The following SLC4A1AP variants were observed in gnomAD, a reference collection of about 807,000 sequenced individuals.
SLC4A1AP encodes the protein solute carrier family 4 member 1 adaptor protein, also known as kanadaptin.
In SLC4A1AP, 64 loss-of-function variants were observed where a neutral mutation model predicts 89.7. That is an observed-to-expected ratio of 0.71 (90% CI 0.58 to 0.88). SLC4A1AP has a LOEUF of 0.88. Ranked by LOEUF, SLC4A1AP falls within the 40% of genes least tolerant of loss-of-function variation. SLC4A1AP has a pLI of 0.00. For synonymous variants in SLC4A1AP, 366 were observed against 353.3 expected (o/e 1.04, Z -0.40); for missense variants, 931 against 965.0 (o/e 0.96, Z 0.47).
intron 3 of SLC4A1AP, among the ~76,000 whole-genome samples, chr2:27,667,726 G>T (rs964471376): frequency 6.6e-6 from 1 of 151,948 alleles, no homozygotes; most frequent in Non-Finnish European, 1.5e-5. Context: ...TTTTAATTCC[G>T]AATTCACCTG....
intron 5 of SLC4A1AP, among the ~76,000 whole-genome samples, chr2:27,673,138 A>G (rs1371868752): frequency 6.6e-6 from 1 of 152,146 alleles, no homozygotes; most frequent in Non-Finnish European, 1.5e-5. Context: ...TAACCTTAGT[A>G]TCCATCCCCA....
intron 5 of SLC4A1AP, among the ~76,000 whole-genome samples, chr2:27,674,019 TG>T (rs1675474582): frequency 2.0e-5 from 3 of 151,254 alleles, no homozygotes; most frequent in Non-Finnish European, 4.4e-5. Flanking sequence ...TGTGTGTGTG[TG>T]TGTGTGTGTG....
At chr2:27,691,591 T>G (rs1675788554) in intron 12 of SLC4A1AP, 1 of 149,954 alleles carries the variant, frequency 6.7e-6, no homozygotes, top group African/African-American at 2.5e-5. Flanking sequence ...TTTAATCTGT[T>G]CTTTTTTTTT....
chr2:27,682,183 G>T, intron 8 of SLC4A1AP, 65 bp from the exon 9 acceptor site: 2 of 997,038 alleles, frequency 2.0e-6, no homozygotes, highest in Non-Finnish European at 1.5e-6. Flanking sequence ...TCAGTATCAT[G>T]GTATTTTTAG....
chr2:27,677,144 A>G (rs1675536965), intron 6 of SLC4A1AP, 151 bp from the exon 7 acceptor site: 4 of 654,376 alleles, frequency 6.1e-6, no homozygotes, highest in Non-Finnish European at 1.1e-5. Context: ...TCTCAAAACA[A>G]AAAAAAAAGT....
At chr2:27,683,790 T>G (rs533653270) in intron 9 of SLC4A1AP, among the ~76,000 whole-genome samples, 2 of 152,230 alleles carry the variant, frequency 1.3e-5, no homozygotes, top group East Asian at 3.9e-4. Context: ...CAGGCTGCAG[T>G]GCAGTGGCCA....
At chr2:27,666,929 G>A (rs985517947) in intron 2 of SLC4A1AP, among the ~76,000 whole-genome samples, 2 of 151,352 alleles carry the variant, frequency 1.3e-5, no homozygotes, top group East Asian at 1.9e-4. Context: ...TGCAGGTAGC[G>A]CGATCTTGGC....
chr2:27,689,996 A>G (rs1175744415), intron 12 of SLC4A1AP, among the ~76,000 whole-genome samples: 1 of 152,186 alleles, frequency 6.6e-6, no homozygotes, highest in Non-Finnish European at 1.5e-5. Context: ...GCTGAAAATC[A>G]GCTTGTGATG....
At chr2:27,673,741 T>C (rs965037854) in intron 5 of SLC4A1AP, among the ~76,000 whole-genome samples, 11 of 152,162 alleles carry the variant, frequency 7.2e-5, no homozygotes, top group Non-Finnish European at 1.6e-4. Flanking sequence ...AAATTAGATA[T>C]GTGTGTTTAA....
rs548065834 is a variant in SLC4A1AP at position 27,693,816 on chromosome 2, T to C, written c.2341+62T>C. Reference sequence around the variant, plus strand: ...TTTATTTATATTTTTGAATAGGTAATATAGATTTAAGGTTCAACATAAGAA... The same window carrying C: ...TTTATTTATATTTTTGAATAGGTAACATAGATTTAAGGTTCAACATAAGAA... On this transcript the variant is annotated intron_variant, in intron 13 of 13. Coordinates refer to ENST00000613058, the Ensembl canonical transcript of SLC4A1AP. 1.2e-5 allele frequency: 15 copies of C among 1,276,616 alleles called. No individual in the cohort carries two copies. In the East Asian group the frequency reaches 3.4e-4, roughly 29 times the overall value. 79.1% of individuals were successfully genotyped at this position (1,276,616 alleles called of 1,614,324 possible).
At chr2:27,686,639 A>G (rs1334695658) in intron 10 of SLC4A1AP, among the ~76,000 whole-genome samples, 1 of 152,156 alleles carries the variant, frequency 6.6e-6, no homozygotes, top group Non-Finnish European at 1.5e-5. Context: ...GTGATGGTGC[A>G]TGCTTGTAAT....
At chr2:27,668,183 C>T (rs561379794) in intron 3 of SLC4A1AP, among the ~76,000 whole-genome samples, 1 of 151,368 alleles carries the variant, frequency 6.6e-6, no homozygotes, top group African/African-American at 2.4e-5. Flanking sequence ...GAGTCTCGCT[C>T]TGTTGCCCAG....
At position 27,665,401 on chromosome 2, in the gene SLC4A1AP, A is replaced by G. The variant is rs1197557895; in HGVS notation, c.1021+106A>G. The G allele has an allele frequency of 6.5e-6, 6 of 929,098 alleles. No homozygotes were observed. In the Admixed American group the frequency reaches 9.5e-5, roughly 15 times the overall value. 57.6% of individuals were successfully genotyped at this position (929,098 alleles called of 1,614,324 possible). A position where few individuals can be genotyped will look rare whatever the true frequency, so the allele number is the denominator to read the frequency against. On this transcript the variant is annotated intron_variant, in intron 2 of 13. Coordinates refer to ENST00000613058, the Ensembl canonical transcript of SLC4A1AP. ...ACAGCTTTTCATGGCTCCTTGAGATAGATAGGGCAAACACAATTTGCACAT... is the reference window on the plus strand; with the variant it reads ...ACAGCTTTTCATGGCTCCTTGAGATGGATAGGGCAAACACAATTTGCACAT...
At chr2:27,668,999 C>G in intron 4 of SLC4A1AP, 96 bp downstream of exon 4, 1 of 1,274,966 alleles carries the variant, frequency 7.8e-7, no homozygotes. Flanking sequence ...TAACTTTCAT[C>G]TAAGTTTAAG....
At chr2:27,679,985 GC>G (rs1398392731) in intron 8 of SLC4A1AP, among the ~76,000 whole-genome samples, 3 of 152,158 alleles carry the variant, frequency 2.0e-5, no homozygotes, top group Non-Finnish European at 4.4e-5. Context: ...CACCACAGAT[GC>G]CATGGAGGCA....
At chr2:27,670,206 C>T (rs550310168) in intron 5 of SLC4A1AP, among the ~76,000 whole-genome samples, 112 of 150,352 alleles carry the variant, frequency 7.4e-4, no homozygotes, top group Non-Finnish European at 1.2e-3. Flanking sequence ...CCGTGTTGAC[C>T]AGGCTGGTCT....
exon 9 of SLC4A1AP, chr2:27,682,282 G>C (rs755329216): frequency 1.2e-6 from 2 of 1,613,648 alleles, no homozygotes; most frequent in African/African-American, 1.3e-5. Flanking sequence ...AGAAAACAAA[G>C]CTAAAAAGCT....
chr2:27,665,969 G>C (rs1675311730), intron 2 of SLC4A1AP, among the ~76,000 whole-genome samples: 2 of 152,336 alleles, frequency 1.3e-5, no homozygotes, highest in East Asian at 3.9e-4. Context: ...TGGGGACTTA[G>C]ACCTGTGTTG....
chr2:27,665,246 G>A, exon 2 of SLC4A1AP: 1 of 1,612,458 alleles, frequency 6.2e-7, no homozygotes, highest in East Asian at 2.2e-5. Context: ...CTGAAAGGAA[G>A]ATAAATGCTG....
Sources: allele counts gnomAD v4.1 joint callset (sites outside exome capture counted in the v4.1 genomes callset), GRCh38; gene constraint gnomAD v4.1.1; transcripts MANE v1.5; gene names NCBI Gene and HGNC (gene_info 2026-07-23, HGNC 2026-07-21).